SPAG16: variants seen among roughly 807,000 people sequenced by gnomAD.
The protein encoded by SPAG16 is sperm-associated antigen 16 protein.
In SPAG16, 86 loss-of-function variants were observed where a neutral mutation model predicts 80.4. The observed-to-expected ratio is 1.07, with a 90% CI of 0.90 to 1.28. The LOEUF is 1.28. SPAG16 is among the 50% of genes most tolerant of loss of function. The pLI, the probability that SPAG16 is intolerant of heterozygous loss-of-function variation, is 0.00. For missense variants in SPAG16, 870 were observed against 765.3 expected, an observed-to-expected ratio of 1.14 and a Z score of -1.61; for synonymous variants, 294 against 265.9, an observed-to-expected ratio of 1.11 and a Z score of -1.03.
intron 15 of SPAG16, among the ~76,000 whole-genome samples, chr2:214,299,165 G>A (rs922130636): frequency 6.6e-6 from 1 of 150,852 alleles, no homozygotes; most frequent in Non-Finnish European, 1.5e-5. Flanking sequence ...GTACAATGTA[G>A]TCTAAATAAA....
In SPAG16 at chr2:213,966,100, C is replaced by A. The variant is rs188758844; in HGVS notation, c.1400+35955C>A. On this transcript the variant is annotated intron_variant, in intron 12 of 15. Coordinates refer to ENST00000331683, the MANE Select transcript of SPAG16 (RefSeq NM_024532.5). ...ATATACCTAGGGCAGAGGAAAATTG[C>A]TAGTTTGGGATCTTCCCTTCCTGAG... 4.6e-4 allele frequency among the ~76,000 whole-genome samples: 70 copies of A among 152,178 alleles called. No individual in the cohort carries two copies. In the Middle Eastern group the frequency reaches 0.01, roughly 22 times the overall value.
chr2:214,021,519 C>A (rs972553051), intron 13 of SPAG16, among the ~76,000 whole-genome samples: 1 of 152,072 alleles, frequency 6.6e-6, no homozygotes, highest in Non-Finnish European at 1.5e-5. Context: ...ACAGAAAAGA[C>A]CTGCCCCCAT....
chr2:213,844,289 G>T (rs1442190377), intron 10 of SPAG16, among the ~76,000 whole-genome samples: 2 of 152,190 alleles, frequency 1.3e-5, no homozygotes, highest in East Asian at 3.8e-4. Context: ...TTAACATTCA[G>T]AGATCAGATG....
At chr2:213,670,146 C>T (rs905027036) in intron 10 of SPAG16, among the ~76,000 whole-genome samples, 3 of 152,016 alleles carry the variant, frequency 2.0e-5, no homozygotes, top group Non-Finnish European at 4.4e-5. Context: ...AGGTGCCTGC[C>T]ACCATGCCCA....
intron 10 of SPAG16, among the ~76,000 whole-genome samples, chr2:213,697,849 C>T (rs1349826232): frequency 1.3e-5 from 2 of 152,034 alleles, no homozygotes; most frequent in Non-Finnish European, 2.9e-5. Flanking sequence ...AACAAAAAAC[C>T]ACAGAATTTC....
intron 10 of SPAG16, among the ~76,000 whole-genome samples, chr2:213,610,893 T>A (rs543174705): frequency 1.3e-5 from 2 of 152,358 alleles, no homozygotes; most frequent in East Asian, 3.9e-4. Flanking sequence ...ATTAGGAATC[T>A]CTTTGTTCTC....
intron 10 of SPAG16, among the ~76,000 whole-genome samples, chr2:213,735,604 C>G (rs955695072): frequency 2.0e-5 from 3 of 152,044 alleles, no homozygotes; most frequent in Non-Finnish European, 2.9e-5. Context: ...TAATGAAAAG[C>G]CTTTAGGGGC....
chr2:213,474,950 A>G (rs2073289331), intron 9 of SPAG16, among the ~76,000 whole-genome samples: 1 of 152,214 alleles, frequency 6.6e-6, no homozygotes, highest in Admixed American at 6.5e-5. Context: ...GTTGACACTC[A>G]GTATTAACCA....
intron 15 of SPAG16, among the ~76,000 whole-genome samples, chr2:214,258,532 T>A (rs1690890158): frequency 6.6e-6 from 1 of 150,668 alleles, no homozygotes; most frequent in Non-Finnish European, 1.5e-5. Flanking sequence ...ATTTTCCCCA[T>A]TCATTTGTTG....
intron 10 of SPAG16, among the ~76,000 whole-genome samples, chr2:213,597,577 T>A (rs1033176090): frequency 1.3e-5 from 2 of 152,194 alleles, no homozygotes; most frequent in African/African-American, 2.4e-5. Flanking sequence ...TCTTGCTATA[T>A]TATAATTTCT....
intron 9 of SPAG16, among the ~76,000 whole-genome samples, chr2:213,375,962 TATAAA>T (rs1440543697): frequency 2.0e-5 from 3 of 149,978 alleles, no homozygotes; most frequent in African/African-American, 7.3e-5. Context: ...TTTGTATAAA[TATAAA>T]ATATAAAATT....
chr2:213,599,753 G>A (rs2060999358), intron 10 of SPAG16, among the ~76,000 whole-genome samples: 1 of 152,184 alleles, frequency 6.6e-6, no homozygotes, highest in Non-Finnish European at 1.5e-5. Flanking sequence ...CCATACTAGA[G>A]TGCAGTGGCA....
intron 14 of SPAG16, among the ~76,000 whole-genome samples, chr2:214,121,870 A>G (rs547083835): frequency 6.6e-6 from 1 of 151,944 alleles, no homozygotes; most frequent in East Asian, 1.9e-4. Flanking sequence ...TGTTTTGTTT[A>G]GACTTGGGTC....
intron 10 of SPAG16, among the ~76,000 whole-genome samples, chr2:213,846,586 T>G (rs1408294887): frequency 6.6e-6 from 1 of 152,010 alleles, no homozygotes; most frequent in Non-Finnish European, 1.5e-5. Context: ...TAATTATAAA[T>G]AAAATAATAA....
chr2:214,298,131 C>T (rs60283448), intron 15 of SPAG16, among the ~76,000 whole-genome samples: 21,250 of 143,472 alleles, frequency 0.15, 1,780 homozygotes, highest in Middle Eastern at 0.24. Flanking sequence ...CACACACACA[C>T]ACATACACAT....
At chr2:213,639,859 C>T (rs1463251578) in intron 10 of SPAG16, among the ~76,000 whole-genome samples, 2 of 152,184 alleles carry the variant, frequency 1.3e-5, no homozygotes, top group African/African-American at 4.8e-5. Flanking sequence ...GATTTCTCTT[C>T]TTCCTCAGGA....
At chr2:214,146,411 A>G (rs534160275) in intron 14 of SPAG16, among the ~76,000 whole-genome samples, 77 of 152,292 alleles carry the variant, frequency 5.1e-4, no homozygotes, top group Non-Finnish European at 6.5e-4. Flanking sequence ...TGCCTCTTCC[A>G]TTGCTTTCTG....
intron 9 of SPAG16, among the ~76,000 whole-genome samples, chr2:213,451,982 A>G (rs1043952649): frequency 5.3e-5 from 7 of 132,220 alleles, no homozygotes; most frequent in Non-Finnish European, 1.6e-5. Flanking sequence ...CCGCGCTTCC[A>G]GCTCAGCTTC....
intron 10 of SPAG16, among the ~76,000 whole-genome samples, chr2:213,751,787 G>A (rs2068088848): frequency 6.6e-6 from 1 of 152,074 alleles, no homozygotes; most frequent in African/African-American, 2.4e-5. Flanking sequence ...GGACGACCTG[G>A]TCACAGTGAG....
Sources: allele counts gnomAD v4.1 joint callset (sites outside exome capture counted in the v4.1 genomes callset), GRCh38; gene constraint gnomAD v4.1.1; transcripts MANE v1.5; gene names NCBI Gene and HGNC (gene_info 2026-07-23, HGNC 2026-07-21).